SHISA9: variants seen among roughly 807,000 people sequenced by gnomAD.
SHISA9 encodes shisa family member 9, also known as protein shisa-9.
In SHISA9, 13 loss-of-function variants were observed where a neutral mutation model predicts 38.0. The ratio of observed to expected loss-of-function variants is 0.34; its 90% CI spans 0.22 to 0.54. SHISA9 has a LOEUF of 0.54. Ranked by LOEUF, SHISA9 falls within the 20% of genes least tolerant of loss-of-function variation. SHISA9 has a pLI of 0.91. For missense variants in SHISA9, 538 were observed against 575.8 expected (o/e 0.93, Z 0.67); for synonymous variants, 275 against 242.0 (o/e 1.14, Z -1.27).
chr16:13,009,888 C>A (rs2866124), intron 2 of SHISA9, among the ~76,000 whole-genome samples: 89,416 of 152,024 alleles, frequency 0.59, 26,440 homozygotes, highest in Middle Eastern at 0.63. Context: ...TTTATAGAAA[C>A]ATAGAAGGCC....
the SHISA9 span, among the ~76,000 whole-genome samples, chr16:13,366,184 C>G: frequency 6.6e-5 from 10 of 152,296 alleles, no homozygotes; most frequent in African/African-American, 2.2e-4. Context: ...TATCCAGCAT[C>G]TTATTTAAGT....
chr16:13,107,237 G>T lies in SHISA9; in HGVS notation c.692-96157G>T, dbSNP rs376989273. Reference sequence around the variant, plus strand: ...ACCTGAGGTCAGTAGTTCAAGACCAGCCTGGCCAACATGGTGAAATCCCAT... The same window carrying T: ...ACCTGAGGTCAGTAGTTCAAGACCATCCTGGCCAACATGGTGAAATCCCAT... On this transcript the variant is annotated intron_variant, in intron 2 of 4. Transcript: ENST00000558583. 1.4e-4 allele frequency among the ~76,000 whole-genome samples: 22 copies of T among 152,104 alleles called. 1 individual carries two copies. Among genetic ancestry groups the T allele is most frequent in the African/African-American group, 5.1e-4 (21 of 41,492 alleles).
the SHISA9 span, among the ~76,000 whole-genome samples, chr16:13,528,863 G>C: frequency 2.0e-5 from 3 of 152,184 alleles, no homozygotes; most frequent in Non-Finnish European, 4.4e-5. Context: ...TAAAGTTTTA[G>C]TATGGCCCTA....
At chr16:13,042,416 G>A (rs1165815898) in intron 2 of SHISA9, among the ~76,000 whole-genome samples, 3 of 152,120 alleles carry the variant, frequency 2.0e-5, no homozygotes, top group Admixed American at 6.6e-5. Context: ...CATTGGATGG[G>A]ACAAAATATA....
intron 2 of SHISA9, among the ~76,000 whole-genome samples, chr16:13,022,335 AT>A (rs60728108): frequency 2.2e-4 from 32 of 148,338 alleles, no homozygotes; most frequent in East Asian, 4.0e-4. Context: ...CATTAAAAAA[AT>A]TTTTTTTTTT....
chr16:13,155,241 T>C (rs919902797), intron 2 of SHISA9, among the ~76,000 whole-genome samples: 1 of 152,024 alleles, frequency 6.6e-6, no homozygotes, highest in African/African-American at 2.4e-5. Flanking sequence ...ATGCAATAGA[T>C]TGGAGTGGAA....
the SHISA9 span, among the ~76,000 whole-genome samples, chr16:13,443,655 A>G: frequency 6.6e-6 from 1 of 152,182 alleles, no homozygotes; most frequent in African/African-American, 2.4e-5. Flanking sequence ...TTTAGTTTAT[A>G]GGGGCTCATT....
At chr16:13,377,077 C>A in the SHISA9 span, among the ~76,000 whole-genome samples, 1 of 152,114 alleles carries the variant, frequency 6.6e-6, no homozygotes, top group South Asian at 2.1e-4. Flanking sequence ...GGAAGAATTG[C>A]GGGAAGGGTT....
At chr16:13,511,795 CAGAG>C in the SHISA9 span, among the ~76,000 whole-genome samples, 1 of 149,984 alleles carries the variant, frequency 6.7e-6, no homozygotes, top group African/African-American at 2.4e-5. Flanking sequence ...AGGGTGGGGG[CAGAG>C]AGAGAGAGAG....
the SHISA9 span, among the ~76,000 whole-genome samples, chr16:13,560,320 AC>A: frequency 1.3e-5 from 2 of 152,208 alleles, no homozygotes; most frequent in African/African-American, 2.4e-5. Context: ...TCATGTGGTC[AC>A]CCCTGAACCA....
chr16:13,278,126 G>A, the SHISA9 span, among the ~76,000 whole-genome samples: 1 of 152,062 alleles, frequency 6.6e-6, no homozygotes. Flanking sequence ...TAGTCATAAA[G>A]TGATGCTGGA....
intron 2 of SHISA9, among the ~76,000 whole-genome samples, chr16:13,034,401 T>C (rs8051662): frequency 0.78 from 118,327 of 152,120 alleles, 46,498 homozygotes; most frequent in African/African-American, 0.89. Flanking sequence ...TCACACCTTA[T>C]GAAAGTCAGG....
At chr16:13,523,860 C>A in the SHISA9 span, among the ~76,000 whole-genome samples, 1 of 152,140 alleles carries the variant, frequency 6.6e-6, no homozygotes, top group Non-Finnish European at 1.5e-5. Context: ...TAGCAGATGG[C>A]GAACGATTTC....
At chr16:13,228,423 T>C (rs2819641) in intron 4 of SHISA9, among the ~76,000 whole-genome samples, 28,516 of 152,136 alleles carry the variant, frequency 0.19, 2,936 homozygotes, top group Admixed American at 0.31. Context: ...GGGGACATCA[T>C]GTATTGAAGC....
chr16:13,183,004 G>C (rs1051830401), intron 2 of SHISA9, among the ~76,000 whole-genome samples: 7 of 152,324 alleles, frequency 4.6e-5, no homozygotes, highest in African/African-American at 1.7e-4. Flanking sequence ...AGCTAGGGCT[G>C]TTGGCTGGAA....
At chr16:13,056,554 T>C (rs1471513154) in intron 2 of SHISA9, among the ~76,000 whole-genome samples, 1 of 152,126 alleles carries the variant, frequency 6.6e-6, no homozygotes, top group Admixed American at 6.5e-5. Flanking sequence ...CAGTTATGGG[T>C]TGGAAGGATT....
chr16:13,131,885 C>T (rs2050309630), intron 2 of SHISA9, among the ~76,000 whole-genome samples: 1 of 152,178 alleles, frequency 6.6e-6, no homozygotes, highest in African/African-American at 2.4e-5. Flanking sequence ...CCCTTATTAA[C>T]CACTGTGGTG....
chr16:13,435,144 T>G, the SHISA9 span, among the ~76,000 whole-genome samples: 1 of 152,232 alleles, frequency 6.6e-6, no homozygotes, highest in African/African-American at 2.4e-5. Context: ...TCCCAAGGAT[T>G]TGTTTTTGAT....
chr16:12,986,245 C>CT (rs1364094457), intron 2 of SHISA9, among the ~76,000 whole-genome samples: 1 of 152,128 alleles, frequency 6.6e-6, no homozygotes, highest in African/African-American at 2.4e-5. Context: ...GAAATACTTC[C>CT]TTTTTTTCCT....
Sources: gnomAD v4.1 joint callset for allele counts (sites outside exome capture counted in the v4.1 genomes callset) on GRCh38, gnomAD v4.1.1 for gene constraint, MANE v1.5 for transcripts, NCBI Gene and HGNC (gene_info 2026-07-23, HGNC 2026-07-21) for gene names.